Variants in PRKG1 observed in about 807,000 individuals in gnomAD.
The protein encoded by PRKG1 is cGMP-dependent protein kinase 1.
In PRKG1, 35 loss-of-function variants were observed where a neutral mutation model predicts 88.1. The observed-to-expected ratio is 0.40, with a 90% CI of 0.30 to 0.53. The LOEUF (loss-of-function observed/expected upper bound fraction) is 0.53, where lower values mean the gene tolerates loss of function less well. Among genes scored for constraint, PRKG1 ranks in the 20% least tolerant of loss-of-function variants. The probability of loss-of-function intolerance (pLI) is 0.59; values close to 1 mark genes in which losing one functional copy is unlikely to be tolerated. For synonymous variants in PRKG1, 303 were observed against 292.5 expected (o/e 1.04, Z -0.37); for missense variants, 540 against 839.8 (o/e 0.64, Z 4.41).
At chr10:51,987,126 A>T (rs1321183729) in intron 5 of PRKG1, among the ~76,000 whole-genome samples, 2 of 152,144 alleles carry the variant, frequency 1.3e-5, no homozygotes, top group Non-Finnish European at 2.9e-5. Context: ...AAAATTACAG[A>T]TTCTATTAGA....
intron 2 of PRKG1, among the ~76,000 whole-genome samples, chr10:51,369,081 C>T (rs1421211406): frequency 6.6e-6 from 1 of 152,072 alleles, no homozygotes; most frequent in African/African-American, 2.4e-5. Flanking sequence ...GCCCAAGGCT[C>T]GTGTTTCTTC....
intron 3 of PRKG1, among the ~76,000 whole-genome samples, chr10:51,727,183 G>A (rs1011825039): frequency 2.6e-5 from 4 of 151,528 alleles, no homozygotes; most frequent in Admixed American, 1.3e-4. Flanking sequence ...ACACACACCT[G>A]TGGTCCCAGC....
At chr10:51,675,226 A>G (rs1840680072) in intron 3 of PRKG1, among the ~76,000 whole-genome samples, 1 of 152,168 alleles carries the variant, frequency 6.6e-6, no homozygotes, top group East Asian at 1.9e-4. Flanking sequence ...TCAAAAGGTG[A>G]CTGTTTTATT....
chr10:52,160,468 C>T (rs565808154), intron 8 of PRKG1, among the ~76,000 whole-genome samples: 44 of 151,868 alleles, frequency 2.9e-4, no homozygotes, highest in African/African-American at 9.9e-4. Context: ...TCTGTCTAAT[C>T]TTTTTTGGGG....
intron 2 of PRKG1, among the ~76,000 whole-genome samples, chr10:51,208,046 T>C (rs1373123438): frequency 6.6e-6 from 1 of 152,196 alleles, no homozygotes; most frequent in Non-Finnish European, 1.5e-5. Flanking sequence ...TTAACTTCCA[T>C]TAAAACAAAA....
In PRKG1 at chr10:51,875,178, C is replaced by T. The variant is rs147880325; in HGVS notation, c.699-32329C>T. ...GTAGCTTTAGGAATACTAGAAATAC[C>T]AAACACACCTGAATTAGGTAAGTGT... On this transcript the variant is annotated intron_variant, in intron 4 of 17. Transcript: ENST00000373980. Among the ~76,000 whole-genome samples the T allele has an allele frequency of 4.3e-3, 649 of 151,950 alleles. 1 individual carries two copies. Among genetic ancestry groups the T allele is most frequent in the Non-Finnish European group, 7.2e-3 (486 of 67,972 alleles).
intron 2 of PRKG1, among the ~76,000 whole-genome samples, chr10:51,281,984 A>G (rs1283197702): frequency 6.6e-6 from 1 of 152,158 alleles, no homozygotes; most frequent in Non-Finnish European, 1.5e-5. Context: ...ATGTTTAACA[A>G]TCTCCCCAGA....
chr10:51,984,880 G>A (rs1471614248), intron 5 of PRKG1, among the ~76,000 whole-genome samples: 2 of 152,112 alleles, frequency 1.3e-5, no homozygotes, highest in African/African-American at 2.4e-5. Context: ...GTAAGGCAAG[G>A]TCATGACAGT....
intron 2 of PRKG1, among the ~76,000 whole-genome samples, chr10:51,377,240 T>G (rs1842836445): frequency 6.6e-6 from 1 of 152,240 alleles, no homozygotes; most frequent in African/African-American, 2.4e-5. Flanking sequence ...CAACTAATTC[T>G]ATTTCTTGCT....
At chr10:51,699,566 A>G in intron 3 of PRKG1, 1 of 1,598,202 alleles carries the variant, frequency 6.3e-7, no homozygotes, top group Non-Finnish European at 8.5e-7. Context: ...GGTTGTGCAG[A>G]CAGCCGATAG....
chr10:51,702,091 A>G (rs1841483093), intron 3 of PRKG1, among the ~76,000 whole-genome samples: 1 of 152,336 alleles, frequency 6.6e-6, no homozygotes, highest in South Asian at 2.1e-4. Flanking sequence ...TTATGAATTT[A>G]CTATTAATAT....
intron 5 of PRKG1, among the ~76,000 whole-genome samples, chr10:51,972,303 T>A (rs1843731074): frequency 6.6e-6 from 1 of 152,196 alleles, no homozygotes; most frequent in Non-Finnish European, 1.5e-5. Context: ...AAATATGCAA[T>A]AATTAACTTA....
chr10:52,279,433 T>A (rs1202659334), intron 12 of PRKG1, among the ~76,000 whole-genome samples: 10 of 152,154 alleles, frequency 6.6e-5, no homozygotes, highest in Non-Finnish European at 1.3e-4. Context: ...TATAATTAAT[T>A]ATGTTTCAGA....
At chr10:51,846,695 C>T (rs1465161106) in intron 4 of PRKG1, among the ~76,000 whole-genome samples, 2 of 152,144 alleles carry the variant, frequency 1.3e-5, no homozygotes, top group African/African-American at 4.8e-5. Flanking sequence ...TGCCCACTCT[C>T]AGCAGAGATA....
intron 3 of PRKG1, among the ~76,000 whole-genome samples, chr10:51,622,362 A>G (rs1230347461): frequency 6.6e-6 from 1 of 152,128 alleles, no homozygotes; most frequent in Admixed American, 6.5e-5. Context: ...TTCTGCCTAC[A>G]ATTTTGGGGT....
At chr10:51,405,888 A>G (rs1837896687) in intron 2 of PRKG1, among the ~76,000 whole-genome samples, 2 of 152,148 alleles carry the variant, frequency 1.3e-5, no homozygotes, top group Non-Finnish European at 2.9e-5. Context: ...CTGGAAAGAA[A>G]GCTACACAAT....
intron 3 of PRKG1, chr10:51,696,072 T>C (rs762202700): frequency 5.3e-5 from 8 of 152,168 alleles, no homozygotes; most frequent in African/African-American, 1.4e-4. Flanking sequence ...AATTGTCTCA[T>C]TGGTATGTAT....
chr10:51,885,822 G>A (rs578064672), intron 4 of PRKG1, among the ~76,000 whole-genome samples: 241 of 151,726 alleles, frequency 1.6e-3, no homozygotes, highest in African/African-American at 5.4e-3. Flanking sequence ...CCTTTCCCCC[G>A]CTACTCCCAA....
upstream of PRKG1, among the ~76,000 whole-genome samples, chr10:51,069,655 G>T (rs1033372760): frequency 2.0e-5 from 3 of 151,976 alleles, no homozygotes; most frequent in Non-Finnish European, 4.4e-5. Flanking sequence ...TGTATAAGTG[G>T]GTTTGTAATG....
Sources: gnomAD v4.1 joint callset for allele counts (sites outside exome capture counted in the v4.1 genomes callset) on GRCh38, gnomAD v4.1.1 for gene constraint, MANE v1.5 for transcripts, NCBI Gene and HGNC (gene_info 2026-07-23, HGNC 2026-07-21) for gene names.